The following PPM1E variants were observed in gnomAD, a reference collection of about 807,000 sequenced individuals.
PPM1E encodes the protein protein phosphatase, Mg2+/Mn2+ dependent 1E.
Under a neutral mutation model 65.9 loss-of-function variants are expected in PPM1E, and 20 were observed. That is an observed-to-expected ratio of 0.30 (90% CI 0.21 to 0.44). The LOEUF (loss-of-function observed/expected upper bound fraction) is 0.44. Ranked by LOEUF, PPM1E falls within the 20% of genes least tolerant of loss-of-function variation. The probability of loss-of-function intolerance (pLI) is 1.00; values close to 1 mark genes in which losing one functional copy is unlikely to be tolerated. For synonymous variants in PPM1E, 352 were observed against 374.9 expected (o/e 0.94, Z 0.70); for missense variants, 713 against 953.1 (o/e 0.75, Z 3.32).
At chr17:58,884,966 T>G (rs2143407122) in intron 1 of PPM1E, among the ~76,000 whole-genome samples, 1 of 152,290 alleles carries the variant, frequency 6.6e-6, no homozygotes, top group African/African-American at 2.4e-5. Context: ...TTGAAGTATC[T>G]TATTTTTCTT....
intron 3 of PPM1E, 106 bp downstream of exon 3, chr17:58,965,999 T>G: frequency 3.3e-6 from 4 of 1,213,578 alleles, no homozygotes; most frequent in Non-Finnish European, 4.6e-6. Context: ...ATTGTATCTC[T>G]GGTAGATTAG....
intron 1 of PPM1E, among the ~76,000 whole-genome samples, chr17:58,890,697 A>G (rs2051334283): frequency 6.6e-6 from 1 of 152,066 alleles, no homozygotes; most frequent in East Asian, 1.9e-4. Context: ...AATGCATTTT[A>G]ATCTCTTTTC....
chr17:58,795,826 G>A lies in PPM1E; in HGVS notation c.464+39365G>A, dbSNP rs180714135. Among the ~76,000 whole-genome samples, 12 of 152,260 alleles carry A rather than the reference G, an allele frequency of 7.9e-5. No homozygotes were observed. The East Asian group carries it at 2.3e-3, about 29-fold the overall frequency. On this transcript the variant is annotated intron_variant, in intron 1 of 6. Transcript: ENST00000308249. The stretch of plus-strand genomic sequence containing the variant: ...TTTTTCATATGTTTGCTGGGTACAT[G>A]TATGTCTTTTTTTGAAGTGTCTGTT...
Position 58,982,785 on chromosome 17 carries a change from G to T in PPM1E, c.*1754G>T. The T allele has an allele frequency of 1.3e-6, 1 of 764,358 alleles. No individual in the cohort carries two copies. Among genetic ancestry groups the T allele is most frequent in the Non-Finnish European group, 2.1e-6 (1 of 478,822 alleles). 47.3% of individuals were successfully genotyped at this position (764,358 alleles called of 1,614,324 possible). A position where few individuals can be genotyped will look rare whatever the true frequency, so the allele number is the denominator to read the frequency against. On this transcript the variant is annotated 3_prime_UTR_variant, in exon 7 of 7. Transcript: ENST00000308249. Reference sequence around the variant, plus strand: ...AAATGGTTGAAAAGGAGTCAACATGGCCCCAACTATAGTGCCGGAACCTTT... The same window carrying T: ...AAATGGTTGAAAAGGAGTCAACATGTCCCCAACTATAGTGCCGGAACCTTT...
chr17:58,854,466 C>A (rs545959081), intron 1 of PPM1E, among the ~76,000 whole-genome samples: 1 of 152,316 alleles, frequency 6.6e-6, no homozygotes, highest in Admixed American at 6.5e-5. Context: ...AGTAGACAAG[C>A]AGGCAACCTT....
chr17:58,888,243 C>G lies in PPM1E; in HGVS notation c.465-67406C>G, dbSNP rs1435404222. 3.3e-5 allele frequency among the ~76,000 whole-genome samples: 5 copies of G among 151,928 alleles called. No homozygotes were observed. In the East Asian group the frequency reaches 9.7e-4, roughly 29 times the overall value. ...AGCATTGGCTGTAAGTAAATGGTATCCATGGAACTGGCTTTACAATTACGC... is the reference window on the plus strand; with the variant it reads ...AGCATTGGCTGTAAGTAAATGGTATGCATGGAACTGGCTTTACAATTACGC... On this transcript the variant is annotated intron_variant, in intron 1 of 6. Transcript: ENST00000308249.
intron 1 of PPM1E, among the ~76,000 whole-genome samples, chr17:58,853,467 A>G (rs914500542): frequency 2.0e-5 from 3 of 152,108 alleles, no homozygotes; most frequent in Non-Finnish European, 4.4e-5. Context: ...GTTGTTCTAC[A>G]TATGTGTCTG....
chr17:58,952,059 A>G (rs1407097085), intron 1 of PPM1E, among the ~76,000 whole-genome samples: 1 of 151,914 alleles, frequency 6.6e-6, no homozygotes, highest in Non-Finnish European at 1.5e-5. Context: ...GGATGGCTGC[A>G]TTGGCTATGG....
At chr17:58,864,748 C>G (rs1209036485) in intron 1 of PPM1E, among the ~76,000 whole-genome samples, 1 of 151,554 alleles carries the variant, frequency 6.6e-6, no homozygotes, top group African/African-American at 2.4e-5. Context: ...CCAGCCTGAC[C>G]AACATGGTGA....
chr17:58,800,926 T>G (rs2050252646), intron 1 of PPM1E, among the ~76,000 whole-genome samples: 1 of 152,182 alleles, frequency 6.6e-6, no homozygotes, highest in East Asian at 1.9e-4. Context: ...GATTTCTACT[T>G]CATTGATTGC....
intron 2 of PPM1E, among the ~76,000 whole-genome samples, chr17:58,961,380 T>C (rs1330583636): frequency 6.6e-6 from 1 of 152,192 alleles, no homozygotes; most frequent in Non-Finnish European, 1.5e-5. Flanking sequence ...GCAGTCTAAT[T>C]TGGAGATGAA....
chr17:58,935,249 CAA>C (rs11347335), intron 1 of PPM1E, among the ~76,000 whole-genome samples: 1,691 of 140,304 alleles, frequency 0.012, 11 homozygotes, highest in African/African-American at 0.026. Context: ...GACTCCATTT[CAA>C]AAAAAAAAAA....
intron 1 of PPM1E, among the ~76,000 whole-genome samples, chr17:58,835,740 A>G (rs956085087): frequency 6.6e-5 from 10 of 151,606 alleles, no homozygotes; most frequent in Admixed American, 3.9e-4. Context: ...ATGGTGGTGC[A>G]TGCCTGCAGT....
intron 1 of PPM1E, among the ~76,000 whole-genome samples, chr17:58,773,114 A>G (rs976006712): frequency 2.6e-5 from 4 of 152,228 alleles, no homozygotes; most frequent in Middle Eastern, 6.8e-3. Flanking sequence ...AAAGATTTGT[A>G]AAAGGATAAG....
chr17:58,932,757 G>A (rs1397425879), intron 1 of PPM1E, among the ~76,000 whole-genome samples: 1 of 152,042 alleles, frequency 6.6e-6, no homozygotes, highest in Non-Finnish European at 1.5e-5. Context: ...ATACTGATAG[G>A]TATGTTGGAA....
intron 1 of PPM1E, among the ~76,000 whole-genome samples, chr17:58,773,034 G>C (rs1156798682): frequency 6.6e-6 from 1 of 151,620 alleles, no homozygotes; most frequent in Non-Finnish European, 1.5e-5. Flanking sequence ...AAGCTGTGTG[G>C]GGATTTTAGA....
chr17:58,966,715 T>C (rs185556899), intron 3 of PPM1E: 1 of 153,636 alleles, frequency 6.5e-6, no homozygotes, highest in East Asian at 1.9e-4. Context: ...ATGTATTATG[T>C]TAATGCAAAC....
chr17:58,828,590 G>A (rs758385779), intron 1 of PPM1E, among the ~76,000 whole-genome samples: 4 of 151,920 alleles, frequency 2.6e-5, no homozygotes, highest in Admixed American at 6.6e-5. Flanking sequence ...TCAGCCTCCC[G>A]AGTAGCTGGG....
chr17:58,814,952 T>C (rs1473914724), intron 1 of PPM1E, among the ~76,000 whole-genome samples: 1 of 152,236 alleles, frequency 6.6e-6, no homozygotes, highest in East Asian at 1.9e-4. Flanking sequence ...TTTTAAGGAA[T>C]AAATTACTTA....
Sources: allele counts gnomAD v4.1 joint callset (sites outside exome capture counted in the v4.1 genomes callset), GRCh38; gene constraint gnomAD v4.1.1; transcripts MANE v1.5; gene names NCBI Gene and HGNC (gene_info 2026-07-23, HGNC 2026-07-21).